The following OR2L13 variants were observed in gnomAD, a reference collection of about 807,000 sequenced individuals.
OR2L13 encodes olfactory receptor family 2 subfamily L member 13.
Under a neutral mutation model 15.3 loss-of-function variants are expected in OR2L13, and 14 were observed. The observed-to-expected ratio is 0.91, with a 90% confidence interval of 0.60 to 1.43. The LOEUF is 1.43. OR2L13 is among the 40% of genes most tolerant of loss of function. The probability of loss-of-function intolerance (pLI) is 0.00; values close to 1 mark genes in which losing one functional copy is unlikely to be tolerated. For synonymous variants in OR2L13, 152 were observed against 142.9 expected (o/e 1.06, Z -0.45); for missense variants, 367 against 387.9 (o/e 0.95, Z 0.45).
chr1:248,022,238 G>T, the OR2L13 span: 1 of 1,614,152 alleles, frequency 6.2e-7, no homozygotes, highest in Non-Finnish European at 8.5e-7. Flanking sequence ...TTGGGTGTGG[G>T]ATTCAGAGTT....
the OR2L13 span, among the ~76,000 whole-genome samples, chr1:248,027,528 T>G: frequency 7.4e-3 from 1,128 of 152,258 alleles, 15 homozygotes; most frequent in African/African-American, 0.026. Context: ...CCACGGAACC[T>G]GCCAACATGT....
chr1:247,954,599 G>A, the OR2L13 span, among the ~76,000 whole-genome samples: 2 of 143,766 alleles, frequency 1.4e-5, no homozygotes, highest in Non-Finnish European at 3.0e-5. Context: ...TTAATTGAAA[G>A]TGAAATATAA....
chr1:247,975,117 G>A, the OR2L13 span: 44 of 376,502 alleles, frequency 1.2e-4, no homozygotes, highest in African/African-American at 9.2e-4. Flanking sequence ...GTAGCTGTTT[G>A]CTTTCCTCTC....
the OR2L13 span, chr1:248,055,999 G>C: frequency 6.6e-6 from 1 of 152,264 alleles, no homozygotes. Flanking sequence ...TCAGTGTTGG[G>C]AAGGTTTATG....
At chr1:248,094,228 AG>A (rs1243499700), upstream of OR2L13, among the ~76,000 whole-genome samples, 1 of 152,194 alleles carries the variant, frequency 6.6e-6, no homozygotes, top group Non-Finnish European at 1.5e-5. Context: ...AAAAAATTAA[AG>A]GAAAAAAACA....
the OR2L13 span, among the ~76,000 whole-genome samples, chr1:248,005,005 C>T: frequency 6.6e-6 from 1 of 151,870 alleles, no homozygotes; most frequent in Admixed American, 6.6e-5. Flanking sequence ...CTGATGGTCA[C>T]CAGAGGGTGG....
chr1:247,968,707 G>C, the OR2L13 span, among the ~76,000 whole-genome samples: 1 of 152,024 alleles, frequency 6.6e-6, no homozygotes, highest in Admixed American at 6.6e-5. Flanking sequence ...GTATTCCATG[G>C]TGTATATGTG....
chr1:247,960,927 G>A, the OR2L13 span, among the ~76,000 whole-genome samples: 3 of 152,144 alleles, frequency 2.0e-5, no homozygotes, highest in Non-Finnish European at 4.4e-5. Context: ...CTCACGCTCA[G>A]TGTGCTGCAC....
chr1:248,094,077 C>G (rs1212228743), upstream of OR2L13, among the ~76,000 whole-genome samples: 1 of 151,974 alleles, frequency 6.6e-6, no homozygotes, highest in South Asian at 2.1e-4. Context: ...TGGAACATTT[C>G]TAACAGAAAA....
At chr1:248,027,269 G>A in the OR2L13 span, among the ~76,000 whole-genome samples, 9 of 152,222 alleles carry the variant, frequency 5.9e-5, no homozygotes, top group Non-Finnish European at 8.8e-5. Context: ...TGTTCAGACC[G>A]GTTGTCTGCT....
At chr1:248,072,423 T>A in the OR2L13 span, among the ~76,000 whole-genome samples, 10 of 152,160 alleles carry the variant, frequency 6.6e-5, no homozygotes, top group Non-Finnish European at 1.2e-4. Context: ...CCCATAGCCA[T>A]ATGTAGAAAG....
the OR2L13 span, chr1:248,035,454 G>GA: frequency 2.7e-4 from 39 of 146,268 alleles, 1 homozygote; most frequent in Admixed American, 9.5e-4. Flanking sequence ...ATCTCAAAAA[G>GA]AAAAAAAAAA....
chr1:248,088,132 A>G, the OR2L13 span, among the ~76,000 whole-genome samples: 1 of 152,196 alleles, frequency 6.6e-6, no homozygotes, highest in Admixed American at 6.5e-5. Flanking sequence ...CCTATATTTA[A>G]CTATCACGAG....
chr1:248,038,788 A>G, the OR2L13 span: 41 of 1,614,064 alleles, frequency 2.5e-5, no homozygotes, highest in African/African-American at 6.7e-5. Flanking sequence ...AGAGCCATCA[A>G]TCATTTTTTC....
At chr1:247,993,567 C>A in the OR2L13 span, among the ~76,000 whole-genome samples, 2 of 151,852 alleles carry the variant, frequency 1.3e-5, no homozygotes, top group Admixed American at 1.3e-4. Flanking sequence ...CCATGCCCCT[C>A]ATTTATTTAT....
chr1:247,937,557 C>G, the OR2L13 span: 646 of 145,902 alleles, frequency 4.4e-3, no homozygotes, highest in African/African-American at 0.017. Flanking sequence ...CTCCTCCCCT[C>G]CCATCAGCAG....
the OR2L13 span, among the ~76,000 whole-genome samples, chr1:248,024,463 A>G: frequency 2.5e-4 from 38 of 152,314 alleles, no homozygotes; most frequent in African/African-American, 7.7e-4. Context: ...TATAAAATGC[A>G]TTTTTATTAA....
exon 2 of OR2L13, chr1:248,098,731 G>C (rs1572744576): frequency 6.6e-6 from 1 of 152,242 alleles, no homozygotes; most frequent in Non-Finnish European, 1.5e-5. Flanking sequence ...GTCTGCCTCA[G>C]ACAGAAGAGC....
the OR2L13 span, among the ~76,000 whole-genome samples, chr1:248,027,879 A>C: frequency 6.6e-6 from 1 of 151,886 alleles, no homozygotes; most frequent in Non-Finnish European, 1.5e-5. Context: ...ACATGTCCAC[A>C]CCTGTGATCC....
Sources: allele counts gnomAD v4.1 joint callset (sites outside exome capture counted in the v4.1 genomes callset), GRCh38; gene constraint gnomAD v4.1.1; transcripts MANE v1.5; gene names NCBI Gene and HGNC (gene_info 2026-07-23, HGNC 2026-07-21).